The following CPA6 variants were observed in gnomAD, a reference collection of about 807,000 sequenced individuals.
The protein encoded by CPA6 is carboxypeptidase A6.
A neutral mutation model predicts 63.3 loss-of-function variants in CPA6; 58 were observed. That is an observed-to-expected ratio of 0.92 (90% confidence interval 0.74 to 1.14). The LOEUF (loss-of-function observed/expected upper bound fraction) is 1.14. Among genes scored for constraint, CPA6 ranks in the 50% most tolerant of loss-of-function variants. CPA6 has a pLI of 0.00. For synonymous variants in CPA6, 185 were observed against 179.0 expected (o/e 1.03, Z -0.27); for missense variants, 565 against 526.6 (o/e 1.07, Z -0.71).
At chr8:67,499,510 C>T (rs1042929315) in intron 6 of CPA6, among the ~76,000 whole-genome samples, 2 of 152,090 alleles carry the variant, frequency 1.3e-5, no homozygotes, top group African/African-American at 2.4e-5. Flanking sequence ...CCTATTTTTC[C>T]CCATTGGTAA....
At chr8:67,565,101 T>G (rs918071012) in intron 2 of CPA6, among the ~76,000 whole-genome samples, 2 of 152,000 alleles carry the variant, frequency 1.3e-5, no homozygotes, top group Non-Finnish European at 2.9e-5. Flanking sequence ...TATTGGATAA[T>G]GGAGAGCAGG....
chr8:67,659,286 T>C (rs1229003109), intron 1 of CPA6, among the ~76,000 whole-genome samples: 1 of 152,212 alleles, frequency 6.6e-6, no homozygotes, highest in East Asian at 1.9e-4. Flanking sequence ...CAGTGGATGC[T>C]GAGATTCACT....
intron 2 of CPA6, among the ~76,000 whole-genome samples, chr8:67,556,290 C>T (rs765215643): frequency 8.5e-5 from 13 of 152,160 alleles, no homozygotes; most frequent in Non-Finnish European, 1.8e-4. Flanking sequence ...GGAGTCCCTA[C>T]AGATCCTCTG....
At chr8:67,481,686 T>C (rs1319828335) in intron 8 of CPA6, among the ~76,000 whole-genome samples, 2 of 152,230 alleles carry the variant, frequency 1.3e-5, no homozygotes, top group East Asian at 3.9e-4. Context: ...ATTTATGCTA[T>C]GGATGTTTAT....
chr8:67,616,886 G>C (rs867692344), intron 2 of CPA6, among the ~76,000 whole-genome samples: 1 of 152,114 alleles, frequency 6.6e-6, no homozygotes, highest in Non-Finnish European at 1.5e-5. Flanking sequence ...GACATGCAAA[G>C]GAGGCAATGA....
chr8:67,678,319 C>T (rs969432803), intron 1 of CPA6, among the ~76,000 whole-genome samples: 1 of 151,060 alleles, frequency 6.6e-6, no homozygotes, highest in Non-Finnish European at 1.5e-5. Flanking sequence ...TCAAAAGATG[C>T]TATAGAGTGA....
chr8:67,450,409 A>G (rs1358585935), intron 8 of CPA6, among the ~76,000 whole-genome samples: 2 of 152,232 alleles, frequency 1.3e-5, no homozygotes, highest in Admixed American at 6.5e-5. Flanking sequence ...AAGGAAGAAG[A>G]CAAAGATGGA....
rs1166064566 is a variant in CPA6, at chr8:67,504,087, T to A, written c.636+2700A>T. Among the ~76,000 whole-genome samples, 6 of 152,206 alleles carry A rather than the reference T, an allele frequency of 3.9e-5. No individual in the cohort carries two copies. The East Asian group carries it at 5.8e-4, about 15-fold the overall frequency. ...CTGAGGCTTAGAAAGGTTAAGTGAC[T>A]TGACATTAAGATAACACAGACAGTA... is the stretch of plus-strand genomic sequence containing the variant. On this transcript the variant is annotated intron_variant, in intron 6 of 10. Transcript: ENST00000297770.
intron 6 of CPA6, among the ~76,000 whole-genome samples, chr8:67,493,991 T>C (rs145820291): frequency 3.9e-5 from 6 of 152,290 alleles, no homozygotes; most frequent in African/African-American, 1.4e-4. Flanking sequence ...CCTGTAGAAA[T>C]ATATGACTCA....
intron 2 of CPA6, among the ~76,000 whole-genome samples, chr8:67,616,550 T>G (rs55642755): frequency 2.3e-5 from 3 of 131,366 alleles, no homozygotes; most frequent in African/African-American, 5.9e-5. Flanking sequence ...TGTGTGTGTG[T>G]GTTGTGGGGG....
At chr8:67,499,782 A>G (rs1235125440) in intron 6 of CPA6, among the ~76,000 whole-genome samples, 1 of 152,200 alleles carries the variant, frequency 6.6e-6, no homozygotes, top group Non-Finnish European at 1.5e-5. Context: ...TTCATTCAGC[A>G]TAATTCTCTG....
At chr8:67,475,769 CT>C (rs1169497902) in intron 8 of CPA6, among the ~76,000 whole-genome samples, 1 of 38,070 alleles carries the variant, frequency 2.6e-5, no homozygotes, top group African/African-American at 1.6e-4. Flanking sequence ...CTTTCTTTCT[CT>C]TTCTTTCTTT....
At chr8:67,465,988 T>C (rs1810916222) in intron 8 of CPA6, among the ~76,000 whole-genome samples, 1 of 152,070 alleles carries the variant, frequency 6.6e-6, no homozygotes, top group African/African-American at 2.4e-5. Context: ...TAGGGAGGAA[T>C]CCTACCTCCT....
intron 1 of CPA6, among the ~76,000 whole-genome samples, chr8:67,713,073 C>CTGTGTG (rs1165690969): frequency 1.0e-5 from 1 of 97,744 alleles, no homozygotes; most frequent in African/African-American, 4.5e-5. Context: ...ATGTGTGTAT[C>CTGTGTG]TGTGTGTGTA....
chr8:67,424,676 G>A lies in CPA6; in HGVS notation c.1127-1985C>T, dbSNP rs549920620. On this transcript the variant is annotated intron_variant, in intron 10 of 10. Transcript: ENST00000297770. The stretch of plus-strand genomic sequence containing the variant: ...TCCTCTTTCTTTTGCTTTAGAACCC[G>A]AGGGAGAACCTATATATACTGTGTC... Among the ~76,000 whole-genome samples, 11 of 152,246 alleles carry A rather than the reference G, an allele frequency of 7.2e-5. 1 individual carries two copies. The highest frequency in any genetic ancestry group is 2.1e-4 in the South Asian group (1 of 4,828).
intron 2 of CPA6, among the ~76,000 whole-genome samples, chr8:67,567,120 G>A (rs922156455): frequency 6.6e-6 from 1 of 152,124 alleles, no homozygotes; most frequent in African/African-American, 2.4e-5. Context: ...GTAGAGGAGA[G>A]CCTCTACCTT....
At chr8:67,640,202 G>A (rs901523826) in intron 1 of CPA6, among the ~76,000 whole-genome samples, 1 of 151,132 alleles carries the variant, frequency 6.6e-6, no homozygotes, top group Admixed American at 6.6e-5. Context: ...CCCCAGCTTG[G>A]AGGTGGGGCT....
At chr8:67,724,790 C>T (rs2623841) in intron 1 of CPA6, among the ~76,000 whole-genome samples, 98,148 of 152,044 alleles carry the variant, frequency 0.65, 32,189 homozygotes, top group Admixed American at 0.72. Context: ...CTTTCCCAAG[C>T]TGGAGACTCT....
rs547134301 is a variant in CPA6 at position 67,556,115 on chromosome 8, T to C, written c.193-38068A>G. ...GATCATGAGCAAGAAACAAACCTTG[T>C]TGTCAAGGTCTAGGCATAACTTGGT... On this transcript the variant is annotated intron_variant, in intron 2 of 10. Coordinates refer to ENST00000297770, the MANE Select transcript of CPA6 (RefSeq NM_020361.5). Among the ~76,000 whole-genome samples, 62 of 152,326 alleles carry C rather than the reference T, an allele frequency of 4.1e-4. 1 individual carries two copies. In the South Asian group the frequency reaches 4.4e-3, roughly 11 times the overall value.
Sources: gnomAD v4.1 joint callset for allele counts (sites outside exome capture counted in the v4.1 genomes callset) on GRCh38, gnomAD v4.1.1 for gene constraint, MANE v1.5 for transcripts, NCBI Gene and HGNC (gene_info 2026-07-23, HGNC 2026-07-21) for gene names.